SLC6A18: variants seen among roughly 807,000 people sequenced by gnomAD.
SLC6A18 encodes the protein solute carrier family 6 member 18, also known as inactive sodium-dependent neutral amino acid transporter B(0)AT3.
Under a neutral mutation model 62.9 loss-of-function variants are expected in SLC6A18, and 58 were observed. That is an observed-to-expected ratio of 0.92 (90% CI 0.75 to 1.15). The LOEUF (loss-of-function observed/expected upper bound fraction) is 1.15, where lower values mean the gene tolerates loss of function less well. SLC6A18 is among the 50% of genes most tolerant of loss of function. The probability of loss-of-function intolerance (pLI) is 0.00; values close to 1 mark genes in which losing one functional copy is unlikely to be tolerated. For missense variants in SLC6A18, 793 were observed against 836.6 expected, an observed-to-expected ratio of 0.95 and a Z score of 0.64; for synonymous variants, 382 against 365.8, an observed-to-expected ratio of 1.04 and a Z score of -0.51.
In SLC6A18 at chr5:1,241,843, C is replaced by T. The variant is rs1035176353; in HGVS notation, c.975-864C>T. 1.2e-4 allele frequency among the ~76,000 whole-genome samples: 18 copies of T among 152,220 alleles called. No individual in the cohort carries two copies. The highest frequency in any genetic ancestry group is 3.9e-4 in the African/African-American group (16 of 41,450). On this transcript the variant is annotated intron_variant, in intron 7 of 11. Transcript: ENST00000324642. The surrounding 1 kb of genome is among the most constrained non-coding windows in gnomAD (Gnocchi z 7.8). ...TTACAAGCACATCTCAATGAGCAGG[C>T]GGATAAGGACCAGCCGTGCGCACAA...
intron 2 of SLC6A18, 88 bp downstream of exon 2, chr5:1,232,447 C>T: frequency 6.6e-7 from 1 of 1,510,756 alleles, no homozygotes; most frequent in Non-Finnish European, 8.9e-7. Flanking sequence ...GGGTCCATGC[C>T]TGTGGTACGG....
intron 5 of SLC6A18, among the ~76,000 whole-genome samples, chr5:1,239,092 G>A (rs147785831): frequency 1.6e-4 from 25 of 152,346 alleles, no homozygotes; most frequent in Admixed American, 8.5e-4. Flanking sequence ...CCCTGCCCTC[G>A]GGGCTTCAAA....
At chr5:1,231,513 C>T (rs758343081) in intron 1 of SLC6A18, among the ~76,000 whole-genome samples, 16 of 152,278 alleles carry the variant, frequency 1.1e-4, no homozygotes, top group African/African-American at 3.6e-4. Context: ...CCAGCCGCCC[C>T]GGGTTCCTCG....
rs1371425248 is a variant in SLC6A18 at position 1,232,226 on chromosome 5, C to T, written c.168C>T (p.Phe56=). Reference sequence around the variant, plus strand: ...ACCACCCCCTCCTCACAGGGGCCTTCCTCATCCCCTACGTCATCGCGCTGG... The same window carrying T: ...ACCACCCCCTCCTCACAGGGGCCTTTCTCATCCCCTACGTCATCGCGCTGG... The part of the protein sequence containing the change: ...YLCQTYGGGA[F]LIPYVIALVF... The change falls in exon 2 of 12, where the codon TTC becomes TTT. Residue 56 remains phenylalanine (F), a synonymous_variant. Coordinates refer to ENST00000324642, the MANE Select transcript of SLC6A18 (RefSeq NM_182632.3). 3 of 1,611,724 alleles carry T rather than the reference C, an allele frequency of 1.9e-6. No individual in the cohort carries two copies. Among genetic ancestry groups the T allele is most frequent in the Non-Finnish European group, 2.5e-6 (3 of 1,179,384 alleles).
intron 5 of SLC6A18, 87 bp downstream of exon 5, chr5:1,238,147 G>C (rs1458183105): frequency 9.3e-7 from 1 of 1,080,520 alleles, no homozygotes; most frequent in Non-Finnish European, 1.4e-6. Flanking sequence ...ACCTGGGAGC[G>C]TGAGAGGCCA....
intron 1 of SLC6A18, 48 bp from the exon 2 acceptor site, chr5:1,232,171 C>T (rs746148082): frequency 7.6e-6 from 12 of 1,572,704 alleles, no homozygotes; most frequent in Non-Finnish European, 1.0e-5. Context: ...GCCACAGTCC[C>T]CCCCAGCCCC....
In SLC6A18 at chr5:1,246,147, C is replaced by G; in HGVS notation, c.*69C>G. On this transcript the variant is annotated 3_prime_UTR_variant, in exon 12 of 12. Transcript: ENST00000324642. ...CTTGGCCTGATGGTGGGCGGGGCCC[C>G]GCCCACAGGGCCGACCCCAATACAC... 6.7e-7 allele frequency: 1 copy of G among 1,485,926 alleles called. No homozygotes were observed. Among genetic ancestry groups the G allele is most frequent in the Non-Finnish European group, 8.9e-7 (1 of 1,124,064 alleles). 92.0% of individuals were successfully genotyped at this position (1,485,926 alleles called of 1,614,324 possible). A position where few individuals can be genotyped will look rare whatever the true frequency, so the allele number is the denominator to read the frequency against.
In SLC6A18 at chr5:1,241,035, C is replaced by T. The variant is rs1002011857; in HGVS notation, c.974+376C>T. ...CTGAAGGTGCAGAAGCTGGAAGAGG[C>T]GGGAGGAGTCTCCCGTGCAGGCTCA... On this transcript the variant is annotated intron_variant, in intron 7 of 11. Coordinates refer to ENST00000324642, the MANE Select transcript of SLC6A18 (RefSeq NM_182632.3). This position sits in a 1 kb window ranked among gnomAD's most constrained non-coding sequence, Gnocchi z 7.8. 2.3e-4 allele frequency among the ~76,000 whole-genome samples: 35 copies of T among 152,240 alleles called. No homozygotes were observed. Among genetic ancestry groups the T allele is most frequent in the Admixed American group, 5.2e-4 (8 of 15,300 alleles).
intron 6 of SLC6A18, among the ~76,000 whole-genome samples, chr5:1,240,251 C>A (rs964279594): frequency 6.6e-6 from 1 of 152,266 alleles, no homozygotes; most frequent in Non-Finnish European, 1.5e-5. Flanking sequence ...TCTATGAATG[C>A]CCTGCCTCTC....
intron 3 of SLC6A18, among the ~76,000 whole-genome samples, chr5:1,234,139 C>T (rs373692274): frequency 3.3e-5 from 5 of 152,206 alleles, no homozygotes; most frequent in Admixed American, 3.3e-4. Flanking sequence ...CTGCTTCAGC[C>T]TCCCAAAGCA....
At chr5:1,244,175 C>CCAACCCAAA in intron 9 of SLC6A18, 39 bp from the exon 10 acceptor site, 3 of 893,912 alleles carry the variant, frequency 3.4e-6, no homozygotes, top group Non-Finnish European at 5.4e-6. Flanking sequence ...CTCCACTCCC[C>CCAACCCAAA]ATCCCCTTAC....
At chr5:1,244,571 C>T (rs1490305617) in intron 10 of SLC6A18, 37 bp from the exon 11 acceptor site, 3 of 1,567,476 alleles carry the variant, frequency 1.9e-6, no homozygotes, top group African/African-American at 1.3e-5. Flanking sequence ...GGACCTTCCA[C>T]AGACCATGTG....
intron 1 of SLC6A18, 32 bp from the exon 2 acceptor site, chr5:1,232,187 C>A (rs766160606): frequency 6.3e-7 from 1 of 1,598,718 alleles, no homozygotes. Flanking sequence ...GCCCCCGACC[C>A]TGGGCAGGTG....
intron 4 of SLC6A18, among the ~76,000 whole-genome samples, chr5:1,236,818 T>A (rs1323602629): frequency 1.3e-5 from 2 of 152,172 alleles, no homozygotes; most frequent in East Asian, 3.9e-4. Context: ...CTCAGTGTGC[T>A]GAGGTTGTCA....
chr5:1,245,514 C>T (rs908431151), intron 11 of SLC6A18, among the ~76,000 whole-genome samples: 6 of 152,186 alleles, frequency 3.9e-5, no homozygotes, highest in African/African-American at 1.4e-4. Context: ...GGTGGTGCCA[C>T]CCAGTGTATA....
At chr5:1,229,842 TCA>T (rs1746677724) in intron 1 of SLC6A18, among the ~76,000 whole-genome samples, 1 of 141,456 alleles carries the variant, frequency 7.1e-6, no homozygotes, top group Non-Finnish European at 1.5e-5. Context: ...AGAGGGGCTC[TCA>T]CGGTACAGGC....
At position 1,235,348 on chromosome 5, in the gene SLC6A18, C is replaced by G. The variant is rs891400132; in HGVS notation, c.440-133C>G. 3.5e-5 allele frequency: 28 copies of G among 808,402 alleles called. No homozygotes were observed. In the East Asian group the frequency reaches 7.4e-4, roughly 21 times the overall value. The allele number at this position is 808,402 out of a possible 1,614,324, so 50.1% of individuals were successfully genotyped here. On this transcript the variant is annotated intron_variant, in intron 3 of 11. Transcript: ENST00000324642. ...TGTTTCTCCATCTCAGCCCTGGGCC[C>G]AAAAAGAAGTGAAAGGGCACCTCAG...
chr5:1,245,775 G>T (rs937811177), intron 11 of SLC6A18, 73 bp from the exon 12 acceptor site: 5 of 1,465,286 alleles, frequency 3.4e-6, no homozygotes, highest in Non-Finnish European at 4.6e-6. Flanking sequence ...TTGCCCCTTG[G>T]ATTGAGGAGC....
At chr5:1,233,867 A>T (rs192530893) in intron 3 of SLC6A18, among the ~76,000 whole-genome samples, 1 of 151,552 alleles carries the variant, frequency 6.6e-6, no homozygotes, top group African/African-American at 2.4e-5. Context: ...TCAGCCTCCC[A>T]AATAGCTAGG....
Sources: gnomAD v4.1 joint callset for allele counts (sites outside exome capture counted in the v4.1 genomes callset) on GRCh38, gnomAD v4.1.1 for gene constraint, Gnocchi (gnomAD v3.1) non-coding constraint, MANE v1.5 for transcripts, NCBI Gene and HGNC (gene_info 2026-07-23, HGNC 2026-07-21) for gene names.